The following RPS6KC1 variants were observed in gnomAD, a reference collection of about 807,000 sequenced individuals.
RPS6KC1 encodes inactive ribosomal protein S6 kinase delta-1.
In RPS6KC1, 54 loss-of-function variants were observed where a neutral mutation model predicts 103.8. The observed-to-expected ratio is 0.52, with a 90% CI of 0.42 to 0.65. The LOEUF is 0.65. RPS6KC1 is among the 30% of genes least tolerant of loss of function. The probability of loss-of-function intolerance (pLI) is 0.00; values close to 1 mark genes in which losing one functional copy is unlikely to be tolerated. For synonymous variants in RPS6KC1, 439 were observed against 438.7 expected (o/e 1.00, Z -0.01); for missense variants, 1,151 against 1,253.8 (o/e 0.92, Z 1.24).
intron 1 of RPS6KC1, among the ~76,000 whole-genome samples, chr1:213,052,480 G>A (rs950711768): frequency 2.0e-5 from 3 of 151,974 alleles, no homozygotes; most frequent in African/African-American, 7.2e-5. Flanking sequence ...AAAGAAGAGA[G>A]GTACAGATTA....
chr1:213,093,763 TG>T (rs1352871091), intron 3 of RPS6KC1, among the ~76,000 whole-genome samples: 1 of 152,224 alleles, frequency 6.6e-6, no homozygotes, highest in African/African-American at 2.4e-5. Flanking sequence ...AATACCTTAC[TG>T]TTCTAACAAT....
At chr1:213,682,295 C>T in the RPS6KC1 span, among the ~76,000 whole-genome samples, 1 of 152,282 alleles carries the variant, frequency 6.6e-6, no homozygotes, top group South Asian at 2.1e-4. Context: ...ATTGATTTAT[C>T]TGCATCCACA....
chr1:213,666,686 A>C, the RPS6KC1 span, among the ~76,000 whole-genome samples: 3 of 152,258 alleles, frequency 2.0e-5, no homozygotes, highest in East Asian at 3.8e-4. Context: ...CACCAAATAC[A>C]CAAAAGCAGG....
the RPS6KC1 span, among the ~76,000 whole-genome samples, chr1:213,676,793 C>A: frequency 6.6e-6 from 1 of 152,238 alleles, no homozygotes; most frequent in African/African-American, 2.4e-5. Context: ...TATACCTGCT[C>A]ACTTCTCTGA....
chr1:213,773,651 G>T, the RPS6KC1 span, among the ~76,000 whole-genome samples: 1 of 151,810 alleles, frequency 6.6e-6, no homozygotes, highest in Non-Finnish European at 1.5e-5. Flanking sequence ...TTTAAAATTC[G>T]TAAGGCGGGC....
intron 4 of RPS6KC1, among the ~76,000 whole-genome samples, chr1:213,114,556 T>C (rs1370489546): frequency 2.6e-5 from 4 of 151,828 alleles, no homozygotes; most frequent in South Asian, 2.1e-4. Flanking sequence ...ATTTCCTTCT[T>C]CTGCCTAATT....
intron 6 of RPS6KC1, among the ~76,000 whole-genome samples, chr1:213,144,879 A>T (rs1348044525): frequency 1.3e-5 from 2 of 152,062 alleles, no homozygotes; most frequent in Non-Finnish European, 2.9e-5. Flanking sequence ...GATCGAGACC[A>T]TCCTGGCCAA....
intron 5 of RPS6KC1, among the ~76,000 whole-genome samples, chr1:213,126,079 T>C (rs979441592): frequency 1.3e-5 from 2 of 152,152 alleles, no homozygotes; most frequent in African/African-American, 4.8e-5. Context: ...TGATTAGCTA[T>C]ATAAACCAGA....
chr1:213,793,508 G>A, the RPS6KC1 span, among the ~76,000 whole-genome samples: 1 of 152,140 alleles, frequency 6.6e-6, no homozygotes, highest in Non-Finnish European at 1.5e-5. Flanking sequence ...AAAACAGGGC[G>A]TGAGTTTTCC....
the RPS6KC1 span, among the ~76,000 whole-genome samples, chr1:213,300,344 G>C: frequency 4.6e-5 from 7 of 152,278 alleles, 1 homozygote; most frequent in South Asian, 1.5e-3. Context: ...TGACTCTGTT[G>C]GTTGAAGTCC....
the RPS6KC1 span, among the ~76,000 whole-genome samples, chr1:213,648,156 A>G: frequency 4.6e-5 from 7 of 152,094 alleles, no homozygotes; most frequent in East Asian, 3.9e-4. Context: ...AACTACCTCA[A>G]ATAGTTTGTG....
the RPS6KC1 span, among the ~76,000 whole-genome samples, chr1:213,767,728 G>T: frequency 6.6e-6 from 1 of 152,160 alleles, no homozygotes; most frequent in Non-Finnish European, 1.5e-5. Context: ...CTTAATTTCA[G>T]CAGCCCTCTT....
the RPS6KC1 span, among the ~76,000 whole-genome samples, chr1:213,848,294 T>A: frequency 1.3e-5 from 2 of 152,258 alleles, no homozygotes; most frequent in South Asian, 2.1e-4. Context: ...ATATCATTCA[T>A]TCCTCCCTTT....
chr1:213,793,659 C>T, the RPS6KC1 span, among the ~76,000 whole-genome samples: 1 of 152,140 alleles, frequency 6.6e-6, no homozygotes, highest in African/African-American at 2.4e-5. Context: ...CAAGACTAAC[C>T]GGAGGCAAAA....
chr1:213,424,784 A>G, the RPS6KC1 span, among the ~76,000 whole-genome samples: 1 of 152,278 alleles, frequency 6.6e-6, no homozygotes, highest in South Asian at 2.1e-4. Flanking sequence ...AACTTCAAGA[A>G]GCAGGATGAG....
At chr1:213,471,196 G>A in the RPS6KC1 span, among the ~76,000 whole-genome samples, 1 of 152,106 alleles carries the variant, frequency 6.6e-6, no homozygotes, top group Non-Finnish European at 1.5e-5. Context: ...GTGGGCAAGT[G>A]AGTCCATTTA....
the RPS6KC1 span, among the ~76,000 whole-genome samples, chr1:213,376,972 G>T: frequency 6.6e-6 from 1 of 152,206 alleles, no homozygotes; most frequent in African/African-American, 2.4e-5. Context: ...CTCAATCTGT[G>T]TAACATTCCT....
At chr1:213,630,253 C>T in the RPS6KC1 span, among the ~76,000 whole-genome samples, 1 of 152,216 alleles carries the variant, frequency 6.6e-6, no homozygotes, top group African/African-American at 2.4e-5. Context: ...TTCACATAGT[C>T]CCATATTTCT....
the RPS6KC1 span, among the ~76,000 whole-genome samples, chr1:213,458,137 C>T: frequency 6.6e-6 from 1 of 152,156 alleles, no homozygotes; most frequent in Non-Finnish European, 1.5e-5. Context: ...AGTTTTTCAG[C>T]CCTTGGCCCC....
Sources: gnomAD v4.1 joint callset for allele counts (sites outside exome capture counted in the v4.1 genomes callset) on GRCh38, gnomAD v4.1.1 for gene constraint, MANE v1.5 for transcripts, NCBI Gene and HGNC (gene_info 2026-07-23, HGNC 2026-07-21) for gene names.